The following SGK3 variants were observed in gnomAD, a reference collection of about 807,000 sequenced individuals.
The protein encoded by SGK3 is serum/glucocorticoid regulated kinase family member 3, also known as serine/threonine-protein kinase Sgk3.
SGK3 carries 47 observed loss-of-function variants against 68.5 expected under a neutral mutation model. The observed-to-expected ratio is 0.69, with a 90% CI of 0.54 to 0.87. The LOEUF (loss-of-function observed/expected upper bound fraction) is 0.87, where lower values mean the gene tolerates loss of function less well. Among genes scored for constraint, SGK3 ranks in the 40% least tolerant of loss-of-function variants. The probability of loss-of-function intolerance (pLI) is 0.00; values close to 1 mark genes in which losing one functional copy is unlikely to be tolerated. For synonymous variants in SGK3, 181 were observed against 189.1 expected (o/e 0.96, Z 0.35); for missense variants, 479 against 575.5 (o/e 0.83, Z 1.72).
chr8:66,742,930 G>T (rs376475000), intron 1 of SGK3, among the ~76,000 whole-genome samples: 1 of 151,874 alleles, frequency 6.6e-6, no homozygotes, highest in African/African-American at 2.4e-5. Flanking sequence ...TGCCTTTAGC[G>T]CACACTTTGT....
intron 1 of SGK3, among the ~76,000 whole-genome samples, chr8:66,776,243 C>G (rs1806709287): frequency 6.6e-6 from 1 of 152,182 alleles, no homozygotes; most frequent in African/African-American, 2.4e-5. Context: ...CAAATCCCAT[C>G]CACAGAAACT....
chr8:66,806,419 A>G (rs1808166201), intron 4 of SGK3, among the ~76,000 whole-genome samples: 1 of 152,236 alleles, frequency 6.6e-6, no homozygotes, highest in Admixed American at 6.5e-5. Context: ...GAGAAGCAAG[A>G]GAAAATTGAG....
intron 1 of SGK3, among the ~76,000 whole-genome samples, chr8:66,750,148 AG>A (rs901052772): frequency 3.3e-5 from 5 of 152,142 alleles, no homozygotes; most frequent in African/African-American, 1.2e-4. Context: ...TTCAAATTCA[AG>A]GAAGAGATGA....
Position 66,818,229 on chromosome 8 carries a change from GATAA to G in SGK3, c.330-4139_330-4136del, listed in dbSNP as rs535302857. Among the ~76,000 whole-genome samples the G allele has an allele frequency of 1.3e-3, 205 of 152,218 alleles. 1 individual carries two copies. In the South Asian group the frequency reaches 0.021, roughly 16 times the overall value. ...AAGCTTTCCATGATAAAGGACGATA[GATAA>G]ATACATTTAACATAGAAGGAACCCA... is the stretch of plus-strand genomic sequence containing the variant. On this transcript the variant is annotated intron_variant, in intron 5 of 16. Coordinates refer to ENST00000521198, the MANE Select transcript of SGK3 (RefSeq NM_001033578.3).
At chr8:66,858,093 C>A (rs556975252) in intron 16 of SGK3, among the ~76,000 whole-genome samples, 1 of 151,844 alleles carries the variant, frequency 6.6e-6, no homozygotes, top group Admixed American at 6.6e-5. Flanking sequence ...TACTTATAAC[C>A]GCTTCATTTA....
intron 7 of SGK3, among the ~76,000 whole-genome samples, chr8:66,829,752 A>G (rs975211427): frequency 1.3e-5 from 2 of 152,206 alleles, no homozygotes; most frequent in Non-Finnish European, 2.9e-5. Flanking sequence ...AACTTACTTG[A>G]AGAGTTTTTG....
intron 1 of SGK3, among the ~76,000 whole-genome samples, chr8:66,723,129 ATATTTTTTT>A (rs1414053456): frequency 9.8e-5 from 4 of 40,612 alleles, no homozygotes; most frequent in South Asian, 9.4e-4. Context: ...ATATATATAT[ATATTTTTTT>A]TTTTTTTTTT....
chr8:66,835,357 C>T (rs893800519), intron 8 of SGK3, among the ~76,000 whole-genome samples: 1 of 152,168 alleles, frequency 6.6e-6, no homozygotes, highest in Non-Finnish European at 1.5e-5. Flanking sequence ...TAAGAAAAAT[C>T]TCAGTATGAA....
intron 6 of SGK3, among the ~76,000 whole-genome samples, chr8:66,823,957 A>G (rs1247530293): frequency 6.6e-6 from 1 of 152,154 alleles, no homozygotes; most frequent in Non-Finnish European, 1.5e-5. Flanking sequence ...GTTTTTCTTT[A>G]TAATGCCTTT....
chr8:66,804,246 T>C, intron 3 of SGK3, 129 bp from the exon 4 acceptor site: 1 of 745,860 alleles, frequency 1.3e-6, no homozygotes, highest in Non-Finnish European at 2.1e-6. Flanking sequence ...ATACTTTGGA[T>C]GATCATAAAT....
Position 66,836,050 on chromosome 8 carries a change from T to C in SGK3, c.717T>C (p.Val239=), listed in dbSNP as rs748810362. ...SFQTTEKLYF[V]LDFVNGGELF... ...AAACAACTGAAAAGCTTTATTTTGTTCTGGATTTTGTTAATGGAGGGGAGG... is the reference window on the plus strand; with the variant it reads ...AAACAACTGAAAAGCTTTATTTTGTCCTGGATTTTGTTAATGGAGGGGAGG... The change falls in exon 10 of 17, where the codon GTT becomes GTC. Residue 239 remains valine (V), a synonymous_variant. Coordinates refer to ENST00000521198, the MANE Select transcript of SGK3 (RefSeq NM_001033578.3). 1.9e-6 allele frequency: 3 copies of C among 1,613,152 alleles called. No individual in the cohort carries two copies. Among genetic ancestry groups the C allele is most frequent in the Non-Finnish European group, 2.5e-6 (3 of 1,179,680 alleles).
intron 1 of SGK3, among the ~76,000 whole-genome samples, chr8:66,786,925 CTTTTTTTTTTT>C (rs71249407): frequency 1.6e-4 from 8 of 48,704 alleles, no homozygotes; most frequent in East Asian, 1.1e-3. Flanking sequence ...TTTTCTCTGT[CTTTTTTTTTTT>C]TTTTTTTTTT....
chr8:66,767,294 A>T, intron 1 of SGK3: 1 of 722,142 alleles, frequency 1.4e-6, no homozygotes, highest in Non-Finnish European at 2.3e-6. Context: ...TTTTCCTTTT[A>T]ATGGTTATTT....
intron 10 of SGK3, 128 bp downstream of exon 10, chr8:66,836,202 A>G: frequency 3.3e-6 from 4 of 1,214,556 alleles, no homozygotes; most frequent in Non-Finnish European, 4.5e-6. Flanking sequence ...TATTCAAGGT[A>G]CTGGCTGAGT....
chr8:66,746,818 C>T (rs928886594), intron 1 of SGK3, among the ~76,000 whole-genome samples: 1 of 151,868 alleles, frequency 6.6e-6, no homozygotes, highest in Admixed American at 6.6e-5. Context: ...ACCTTTGTCT[C>T]GAAAGTTACT....
rs185999615 is a variant in SGK3, at chr8:66,746,383, C to T, written c.-122+33550C>T. On this transcript the variant is annotated intron_variant, in intron 1 of 16. Transcript: ENST00000521198. ...TTTCAAAACAAGTCATTTCCTGAAC[C>T]TTTCAACTGACCAGTTTCTCTGTCT... 3.2e-4 allele frequency among the ~76,000 whole-genome samples: 49 copies of T among 152,224 alleles called. No individual in the cohort carries two copies. The East Asian group carries it at 9.1e-3, about 28-fold the overall frequency.
intron 13 of SGK3, 44 bp from the exon 14 acceptor site, chr8:66,843,408 G>C (rs1226127350): frequency 6.4e-7 from 1 of 1,572,318 alleles, no homozygotes; most frequent in East Asian, 2.2e-5. Flanking sequence ...ATTTTGTCTT[G>C]ATTTGTTTAC....
Position 66,793,704 on chromosome 8 carries a change from G to A in SGK3, c.-33G>A. ...TTGTCCTCTGCTGACTGTTTCTTCG[G>A]ATGCATTTTTTGGTGTGCTCTTGAG... On this transcript the variant is annotated 5_prime_UTR_variant, in exon 2 of 17. Coordinates refer to ENST00000521198, the MANE Select transcript of SGK3 (RefSeq NM_001033578.3). The A allele has an allele frequency of 1.2e-6, 2 of 1,600,916 alleles. No individual in the cohort carries two copies. Among genetic ancestry groups the A allele is most frequent in the Non-Finnish European group, 1.7e-6 (2 of 1,172,268 alleles).
intron 14 of SGK3, among the ~76,000 whole-genome samples, chr8:66,843,840 A>G (rs1031509703): frequency 6.6e-6 from 1 of 151,998 alleles, no homozygotes; most frequent in Non-Finnish European, 1.5e-5. Flanking sequence ...CTAAAAATAC[A>G]AAAAATTATC....
Sources: allele counts gnomAD v4.1 joint callset (sites outside exome capture counted in the v4.1 genomes callset), GRCh38; gene constraint gnomAD v4.1.1; transcripts MANE v1.5; gene names NCBI Gene and HGNC (gene_info 2026-07-23, HGNC 2026-07-21).